Variants in CAND1 observed in about 807,000 individuals in gnomAD.
CAND1 encodes the protein cullin-associated NEDD8-dissociated protein 1.
CAND1 carries 7 observed loss-of-function variants against 108.5 expected under a neutral mutation model. The observed-to-expected ratio is 0.06, with a 90% CI of 0.04 to 0.12. The LOEUF is 0.12. Among genes scored for constraint, CAND1 ranks in the 10% least tolerant of loss-of-function variants. CAND1 has a pLI of 1.00. For missense variants in CAND1, 941 were observed against 1,448.7 expected (o/e 0.65, Z 5.69); for synonymous variants, 534 against 512.0 (o/e 1.04, Z -0.58).
At chr12:67,273,981 G>T (rs578043732) in intron 1 of CAND1, among the ~76,000 whole-genome samples, 1 of 152,298 alleles carries the variant, frequency 6.6e-6, no homozygotes, top group South Asian at 2.1e-4. Flanking sequence ...GAGATTTGGA[G>T]AGATTAAGTA....
chr12:67,270,177 A>G (rs2044506244), intron 1 of CAND1: 1 of 181,700 alleles, frequency 5.5e-6, no homozygotes, highest in Non-Finnish European at 1.1e-5. Flanking sequence ...TTCGCTTGCC[A>G]TCCTGCGGCG....
chr12:67,297,569 G>A lies in CAND1; in HGVS notation c.654G>A (p.Leu218=), dbSNP rs762221416. ...NIVFVDLIEH[L]LSELSKNDSM... ...TTTTTGTAGATCTTATTGAACATCT[G>A]TTGTCAGAGTTGTCCAAAAATGATT... Residue 218 remains leucine (L), a synonymous_variant, in exon 5 of 15, where the codon CTG becomes CTA. Coordinates refer to ENST00000545606, the MANE Select transcript of CAND1 (RefSeq NM_018448.5). 1.2e-6 allele frequency: 2 copies of A among 1,614,004 alleles called. No homozygotes were observed. The highest frequency in any genetic ancestry group is 1.1e-5 in the South Asian group (1 of 91,088).
intron 3 of CAND1, chr12:67,293,048 A>G (rs1026286548): frequency 1.7e-5 from 6 of 355,032 alleles, no homozygotes; most frequent in Admixed American, 4.9e-5. Flanking sequence ...TGTGTGTACC[A>G]TGACTGCAGA....
At position 67,304,689 on chromosome 12, in the gene CAND1, GA is replaced by G. The variant is rs1369702217; in HGVS notation, c.1379del (p.Glu460GlyfsTer3). ...ACAGTGTTGTTTTAACATGTTAACT[GA>G]GCTGGTAAATGTATTACCTGGGGCC... ...TRQCCFNMLT[E>X]LVNVLPGALT... On this transcript the variant is annotated frameshift_variant, in exon 9 of 15. Coordinates refer to ENST00000545606, the MANE Select transcript of CAND1 (RefSeq NM_018448.5). LOFTEE classifies it high-confidence loss of function. The G allele has an allele frequency of 6.2e-7, 1 of 1,613,760 alleles. No homozygotes were observed. The highest frequency in any genetic ancestry group is 1.7e-5 in the Admixed American group (1 of 59,986).
chr12:67,271,580 G>A (rs549378866), intron 1 of CAND1, among the ~76,000 whole-genome samples: 17 of 152,166 alleles, frequency 1.1e-4, no homozygotes, highest in Non-Finnish European at 2.5e-4. Flanking sequence ...AAGATAACAT[G>A]TACATACCTA....
chr12:67,307,737 A>G (rs1388259830), intron 11 of CAND1, among the ~76,000 whole-genome samples: 1 of 152,086 alleles, frequency 6.6e-6, no homozygotes, highest in African/African-American at 2.4e-5. Context: ...AGTCAACTAC[A>G]TATTTGATAG....
rs1055320136 is a variant in CAND1 at position 67,319,630 on chromosome 12, G to A, written c.*6800G>A. 6.6e-6 allele frequency: 1 copy of A among 152,232 alleles called. No individual in the cohort carries two copies. The highest frequency in any genetic ancestry group is 6.5e-5 in the Admixed American group (1 of 15,284). 9.4% of individuals were successfully genotyped at this position (152,232 alleles called of 1,614,324 possible). A position where few individuals can be genotyped will look rare whatever the true frequency, so the allele number is the denominator to read the frequency against. On this transcript the variant is annotated 3_prime_UTR_variant, in exon 15 of 15. Coordinates refer to ENST00000545606, the MANE Select transcript of CAND1 (RefSeq NM_018448.5). Reference sequence around the variant, plus strand: ...CCATACCATTGCTGATGGTTACTGAGGGTATGGGAAGGGCCGACTAGTCCA... The same window carrying A: ...CCATACCATTGCTGATGGTTACTGAAGGTATGGGAAGGGCCGACTAGTCCA...
In CAND1 at chr12:67,299,115, A is replaced by G. The variant is rs768058823; in HGVS notation, c.1000+20A>G. On this transcript the variant is annotated intron_variant, in intron 7 of 14. Coordinates refer to ENST00000545606, the MANE Select transcript of CAND1 (RefSeq NM_018448.5). ...ATCAAGGTATTGCAAATTAAATAGA[A>G]TCTTTTGAGTTTTTGTGAAAGACAC... 3 of 1,504,590 alleles carry G rather than the reference A, an allele frequency of 2.0e-6. No homozygotes were observed. In the East Asian group the frequency reaches 7.4e-5, roughly 37 times the overall value. 93.2% of individuals were successfully genotyped at this position (1,504,590 alleles called of 1,614,324 possible).
intron 1 of CAND1, among the ~76,000 whole-genome samples, chr12:67,272,705 G>A (rs559318049): frequency 4.7e-5 from 7 of 149,872 alleles, no homozygotes; most frequent in Admixed American, 2.0e-4. Context: ...GGTTTTTTTT[G>A]TTTGTTTTTT....
intron 8 of CAND1, 142 bp downstream of exon 8, chr12:67,302,757 C>T: frequency 1.6e-6 from 1 of 644,964 alleles, no homozygotes; most frequent in Non-Finnish European, 2.7e-6. Context: ...AATGCATGTT[C>T]ATATTATGTT....
In CAND1 at chr12:67,302,631, A is replaced by G. The variant is rs1325223809; in HGVS notation, c.1293+16A>G. Reference sequence around the variant, plus strand: ...TCAGAGTCAGGTGGGTTTTAAAGTAAAGTTTAGAAAATCATGATAGTAAAT... The same window carrying G: ...TCAGAGTCAGGTGGGTTTTAAAGTAGAGTTTAGAAAATCATGATAGTAAAT... On this transcript the variant is annotated intron_variant, in intron 8 of 14. Coordinates refer to ENST00000545606, the MANE Select transcript of CAND1 (RefSeq NM_018448.5). 6.3e-7 allele frequency: 1 copy of G among 1,590,406 alleles called. No individual in the cohort carries two copies. The highest frequency in any genetic ancestry group is 1.1e-5 in the South Asian group (1 of 89,272).
rs749365744 is a variant in CAND1, at chr12:67,305,141, G to A, written c.1473G>A (p.Ser491=). The change falls in exon 10 of 15, where the codon TCG becomes TCA. Residue 491 remains serine (S), a synonymous_variant. Coordinates refer to ENST00000545606, the MANE Select transcript of CAND1 (RefSeq NM_018448.5). The surrounding 1 kb of genome is among the most constrained non-coding windows in gnomAD (Gnocchi z 4.4). ...IFSLNDKSSS[S]NLKIDALSCL... Reference sequence around the variant, plus strand: ...CACTGAATGATAAATCAAGCTCATCGAATTTGAAGATCGATGCTTTGTCAT... The same window carrying A: ...CACTGAATGATAAATCAAGCTCATCAAATTTGAAGATCGATGCTTTGTCAT... The A allele has an allele frequency of 9.9e-6, 16 of 1,611,100 alleles. No individual in the cohort carries two copies. The highest frequency in any genetic ancestry group is 4.0e-5 in the African/African-American group (3 of 74,820).
intron 3 of CAND1, 98 bp from the exon 4 acceptor site, chr12:67,294,935 C>G (rs749376002): frequency 1.0e-4 from 127 of 1,247,828 alleles, no homozygotes; most frequent in Non-Finnish European, 1.3e-4. Context: ...GTCTCATGAT[C>G]AAGTGTGGAG....
At chr12:67,283,718 T>C (rs2044641866) in intron 2 of CAND1, among the ~76,000 whole-genome samples, 1 of 152,228 alleles carries the variant, frequency 6.6e-6, no homozygotes, top group Non-Finnish European at 1.5e-5. Flanking sequence ...ATCCTGAATG[T>C]TTCTCAACCT....
chr12:67,277,372 A>G (rs1445519772), intron 1 of CAND1, among the ~76,000 whole-genome samples: 1 of 152,160 alleles, frequency 6.6e-6, no homozygotes, highest in Non-Finnish European at 1.5e-5. Flanking sequence ...GTCTTAATAT[A>G]TATTGCTGAT....
intron 8 of CAND1, among the ~76,000 whole-genome samples, chr12:67,303,476 A>G (rs1013616331): frequency 2.0e-5 from 3 of 152,230 alleles, no homozygotes; most frequent in African/African-American, 4.8e-5. Flanking sequence ...GTGAGTGAGT[A>G]TATAGAAGTC....
rs755577001 is a variant in CAND1 at position 67,292,764 on chromosome 12, C to A, written c.355C>A (p.Pro119Thr). ...GLKTVIGELP[P>T]ASSGSALAAN... ...TAAAACAGTAATTGGAGAACTTCCT[C>A]CAGCTTCCAGTGGTAAGCAAGAGCA... Residue 119 changes from proline (P) to threonine (T), a missense_variant, in exon 3 of 15, where the codon CCA becomes ACA. This residue lies in a region of CAND1 where 697 missense variants were observed against 942.0 expected (regional missense o/e 0.74). Transcript: ENST00000545606. 8 of 1,613,370 alleles carry A rather than the reference C, an allele frequency of 5.0e-6. No homozygotes were observed. Among genetic ancestry groups the A allele is most frequent in the Non-Finnish European group, 5.9e-6 (7 of 1,179,822 alleles).
intron 8 of CAND1, among the ~76,000 whole-genome samples, chr12:67,303,756 T>C (rs1343180441): frequency 6.6e-6 from 1 of 152,168 alleles, no homozygotes; most frequent in Non-Finnish European, 1.5e-5. Flanking sequence ...TTAGGAAGTT[T>C]AGAGCAGATG....
intron 4 of CAND1, among the ~76,000 whole-genome samples, chr12:67,296,641 G>C (rs2044772477): frequency 6.6e-6 from 1 of 151,992 alleles, no homozygotes; most frequent in African/African-American, 2.4e-5. Context: ...TACCATGTTG[G>C]CCAGGGTGGT....
Sources: gnomAD v4.1 joint callset for allele counts (sites outside exome capture counted in the v4.1 genomes callset) on GRCh38, gnomAD v4.1.1 for gene constraint, gnomAD v4.1.1 regional missense constraint, Gnocchi (gnomAD v3.1) non-coding constraint, MANE v1.5 for transcripts, NCBI Gene and HGNC (gene_info 2026-07-23, HGNC 2026-07-21) for gene names.